The following NRP2 variants were observed in gnomAD, a reference collection of about 807,000 sequenced individuals.
The protein encoded by NRP2 is neuropilin-2.
In NRP2, 52 loss-of-function variants were observed where a neutral mutation model predicts 110.4. The observed-to-expected ratio is 0.47, with a 90% confidence interval of 0.38 to 0.59. The LOEUF (loss-of-function observed/expected upper bound fraction) is 0.59. NRP2 is among the 20% of genes least tolerant of loss of function. NRP2 has a pLI of 0.00. For missense variants in NRP2, 1,049 were observed against 1,203.0 expected, an observed-to-expected ratio of 0.87 and a Z score of 1.89; for synonymous variants, 508 against 468.9, an observed-to-expected ratio of 1.08 and a Z score of -1.08.
intron 6 of NRP2, among the ~76,000 whole-genome samples, chr2:205,726,343 G>T (rs140692090): frequency 5.3e-4 from 80 of 152,304 alleles, no homozygotes; most frequent in South Asian, 3.1e-3. Context: ...GATGCTGTTT[G>T]CCCTATCACT....
intron 7 of NRP2, chr2:205,740,026 G>A: frequency 3.9e-6 from 1 of 259,204 alleles, no homozygotes; most frequent in Non-Finnish European, 7.5e-6. Flanking sequence ...TCCGCTCATG[G>A]GTGGGATGGC....
intron 2 of NRP2, chr2:205,700,988 G>A (rs75129272): frequency 0.012 from 3,403 of 281,292 alleles, 95 homozygotes; most frequent in African/African-American, 0.069. Context: ...ATTCCCTGTG[G>A]AGTGGAGGAT....
chr2:205,742,976 C>T (rs57269940), intron 8 of NRP2, among the ~76,000 whole-genome samples: 31,189 of 152,158 alleles, frequency 0.2, 3,970 homozygotes, highest in Non-Finnish European at 0.27. Context: ...AAATAATTTG[C>T]CCAAGGCCCT....
chr2:205,755,976 A>T (rs1044538983), intron 12 of NRP2, among the ~76,000 whole-genome samples: 11 of 151,420 alleles, frequency 7.3e-5, no homozygotes, highest in Non-Finnish European at 1.5e-4. Context: ...TTCCTCGGAT[A>T]TTTTCTGATT....
chr2:205,692,479 G>C (rs536101524), intron 1 of NRP2, among the ~76,000 whole-genome samples: 2 of 152,186 alleles, frequency 1.3e-5, no homozygotes, highest in Non-Finnish European at 2.9e-5. Flanking sequence ...CTGAGCCAAC[G>C]ACTTAGATGA....
intron 1 of NRP2, among the ~76,000 whole-genome samples, chr2:205,689,724 T>A (rs796656833): frequency 6.6e-5 from 10 of 152,302 alleles, no homozygotes; most frequent in African/African-American, 2.2e-4. Flanking sequence ...ATTTTCTTTT[T>A]AATCTCTCAT....
chr2:205,783,828 C>T (rs2058204952), intron 15 of NRP2, among the ~76,000 whole-genome samples: 1 of 152,224 alleles, frequency 6.6e-6, no homozygotes, highest in Admixed American at 6.5e-5. Context: ...AACAAAGTGG[C>T]TTTGACTTTG....
At chr2:205,783,554 C>T (rs1207702818) in intron 15 of NRP2, among the ~76,000 whole-genome samples, 2 of 152,200 alleles carry the variant, frequency 1.3e-5, no homozygotes, top group Admixed American at 6.5e-5. Context: ...ACCACAGGCC[C>T]CCACACTGGC....
chr2:205,738,361 T>G (rs2057382601), intron 7 of NRP2, among the ~76,000 whole-genome samples: 1 of 152,198 alleles, frequency 6.6e-6, no homozygotes, highest in African/African-American at 2.4e-5. Context: ...AGCAAAGTGC[T>G]GCATTTGCTT....
At chr2:205,755,098 C>T (rs1235232065) in intron 12 of NRP2, among the ~76,000 whole-genome samples, 6 of 152,176 alleles carry the variant, frequency 3.9e-5, no homozygotes, top group East Asian at 1.9e-4. Flanking sequence ...TTTCTTCACC[C>T]GTTCACCACC....
intron 3 of NRP2, among the ~76,000 whole-genome samples, chr2:205,719,225 A>T (rs1488945750): frequency 6.6e-6 from 1 of 152,194 alleles, no homozygotes; most frequent in Non-Finnish European, 1.5e-5. Flanking sequence ...ACAGATACGC[A>T]AATAGCCATA....
intron 15 of NRP2, among the ~76,000 whole-genome samples, chr2:205,785,117 C>G (rs1304610064): frequency 3.3e-5 from 5 of 152,198 alleles, no homozygotes; most frequent in African/African-American, 1.2e-4. Flanking sequence ...TACAGGTGTA[C>G]AGTTTCTTTT....
At chr2:205,771,185 G>T (rs1486450065) in intron 15 of NRP2, among the ~76,000 whole-genome samples, 2 of 152,120 alleles carry the variant, frequency 1.3e-5, no homozygotes, top group Non-Finnish European at 2.9e-5. Context: ...AATCCACATG[G>T]TTTCTGCCAA....
intron 3 of NRP2, among the ~76,000 whole-genome samples, chr2:205,721,793 C>T (rs1161053108): frequency 6.6e-6 from 1 of 152,196 alleles, no homozygotes; most frequent in African/African-American, 2.4e-5. Context: ...GTTGCCGGAG[C>T]GGCCTTTAAC....
intron 15 of NRP2, among the ~76,000 whole-genome samples, chr2:205,773,689 C>T (rs886268723): frequency 9.2e-5 from 14 of 152,186 alleles, no homozygotes; most frequent in African/African-American, 1.4e-4. Flanking sequence ...TGTCTCTTAT[C>T]GTAAGAAACA....
At chr2:205,716,044 C>G (rs1022279910) in intron 2 of NRP2, 149 bp from the exon 3 acceptor site, 20 of 841,780 alleles carry the variant, frequency 2.4e-5, no homozygotes, top group Non-Finnish European at 3.6e-5. Flanking sequence ...GTTTGCCAGT[C>G]TGTACAAGCA....
At chr2:205,776,568 T>C (rs924867485) in intron 15 of NRP2, 1 of 1,600,168 alleles carries the variant, frequency 6.2e-7, no homozygotes, top group Non-Finnish European at 8.5e-7. Context: ...CGAGAAAGAC[T>C]GCAAACATGT....
chr2:205,692,796 T>C (rs184150460), intron 1 of NRP2, among the ~76,000 whole-genome samples: 1 of 152,330 alleles, frequency 6.6e-6, no homozygotes, highest in African/African-American at 2.4e-5. Context: ...GAGAATCTTT[T>C]GAATTCTTGG....
chr2:205,723,598 T>A (rs2057064087), intron 4 of NRP2, among the ~76,000 whole-genome samples, 187 bp from the exon 5 acceptor site: 1 of 152,180 alleles, frequency 6.6e-6, no homozygotes, highest in Non-Finnish European at 1.5e-5. Flanking sequence ...AATGAAAAAG[T>A]GAAAGTGCTT....
Sources: gnomAD v4.1 joint callset for allele counts (sites outside exome capture counted in the v4.1 genomes callset) on GRCh38, gnomAD v4.1.1 for gene constraint, MANE v1.5 for transcripts, NCBI Gene and HGNC (gene_info 2026-07-23, HGNC 2026-07-21) for gene names.